Variants in CNOT4 observed in about 807,000 individuals in gnomAD.
CNOT4 encodes the protein CCR4-NOT transcription complex subunit 4.
CNOT4 carries 8 observed loss-of-function variants against 73.8 expected under a neutral mutation model. That is an observed-to-expected ratio of 0.11 (90% confidence interval 0.06 to 0.20). The LOEUF (loss-of-function observed/expected upper bound fraction) is 0.20, where lower values mean the gene tolerates loss of function less well. Ranked by LOEUF, CNOT4 falls within the 10% of genes least tolerant of loss-of-function variation. CNOT4 has a pLI of 1.00. For synonymous variants in CNOT4, 293 were observed against 321.1 expected, an observed-to-expected ratio of 0.91 and a Z score of 0.94; for missense variants, 564 against 883.4, an observed-to-expected ratio of 0.64 and a Z score of 4.58.
At chr7:135,490,443 G>T (rs970705606) in intron 1 of CNOT4, among the ~76,000 whole-genome samples, 2 of 152,184 alleles carry the variant, frequency 1.3e-5, no homozygotes, top group African/African-American at 4.8e-5. Flanking sequence ...AGGTAATAAT[G>T]AAGTAACAAC....
chr7:135,479,310 G>A (rs1269942466), intron 1 of CNOT4, among the ~76,000 whole-genome samples: 2 of 140,108 alleles, frequency 1.4e-5, no homozygotes, highest in East Asian at 4.4e-4. Context: ...CCAGGTTCAA[G>A]CAGTTCTTCA....
intron 1 of CNOT4, among the ~76,000 whole-genome samples, chr7:135,452,083 A>C (rs984449197): frequency 2.6e-5 from 4 of 152,040 alleles, no homozygotes; most frequent in Non-Finnish European, 4.4e-5. Context: ...CCCTATCAGT[A>C]CAAAAAATAG....
chr7:135,490,619 C>T (rs1316492054), intron 1 of CNOT4, among the ~76,000 whole-genome samples: 1 of 152,178 alleles, frequency 6.6e-6, no homozygotes, highest in Admixed American at 6.5e-5. Flanking sequence ...AGGCTATGAA[C>T]CATCTCTGAC....
At chr7:135,468,304 ATAGT>A (rs1452395010) in intron 1 of CNOT4, among the ~76,000 whole-genome samples, 1 of 152,164 alleles carries the variant, frequency 6.6e-6, no homozygotes, top group Non-Finnish European at 1.5e-5. Context: ...CATATTTTGA[ATAGT>A]TAATTTGTAG....
intron 1 of CNOT4, among the ~76,000 whole-genome samples, chr7:135,448,477 G>A (rs1401263322): frequency 6.8e-6 from 1 of 146,506 alleles, no homozygotes; most frequent in African/African-American, 2.5e-5. Context: ...CCAGGAGACA[G>A]AGGTTGCGGT....
Position 135,410,641 on chromosome 7 carries a change from T to C in CNOT4, c.695A>G (p.Lys232Arg), listed in dbSNP as rs2129484052. 2 of 1,583,408 alleles carry C rather than the reference T, an allele frequency of 1.3e-6. No individual in the cohort carries two copies. The highest frequency in any genetic ancestry group is 2.3e-5 in the East Asian group (1 of 42,800). ...TAGCTTCTGTTCATATTCTTGGTGT[T>C]TACCCGCCTAACGAAAGAAGAAATT... is the stretch of plus-strand genomic sequence containing the variant. ...SFTKEEMQAG[K>R]HQEYEQKLLQ... Residue 232 changes from lysine to arginine, a missense_variant, in exon 7 of 12, where the codon AAA (lysine) becomes AGA (arginine). By Grantham distance (26) the Lys-to-Arg change is conservative (BLOSUM62 2). This residue lies in a region of CNOT4 where 14 missense variants were observed against 69.5 expected (regional missense o/e 0.20). Transcript: ENST00000541284.
intron 6 of CNOT4, among the ~76,000 whole-genome samples, chr7:135,411,957 C>T (rs1200395355): frequency 2.6e-5 from 4 of 151,878 alleles, no homozygotes; most frequent in Non-Finnish European, 4.4e-5. Context: ...AAATTTCTTT[C>T]CTACATCAAG....
rs1219600160 is a variant in CNOT4 at position 135,363,323 on chromosome 7, T to G, written c.1841-137A>C. 1.3e-6 allele frequency: 1 copy of G among 753,268 alleles called. No homozygotes were observed. The highest frequency in any genetic ancestry group is 2.1e-6 in the Non-Finnish European group (1 of 465,610). 46.7% of individuals were successfully genotyped at this position (753,268 alleles called of 1,614,324 possible). A position where few individuals can be genotyped will look rare whatever the true frequency, so the allele number is the denominator to read the frequency against. ...TTTTAAACTCCTTCCAAATAAGACC[T>G]TTTAAACCAATCCTCCCCCAACAAC... On this transcript the variant is annotated intron_variant, in intron 11 of 11. Transcript: ENST00000541284. This position sits in a 1 kb window ranked among gnomAD's most constrained non-coding sequence, Gnocchi z 4.3.
intron 6 of CNOT4, among the ~76,000 whole-genome samples, chr7:135,411,803 T>C (rs943254293): frequency 1.3e-5 from 2 of 151,940 alleles, no homozygotes; most frequent in Non-Finnish European, 2.9e-5. Context: ...AATTGTGTCA[T>C]ATATACTGCA....
At position 135,389,378 on chromosome 7, in the gene CNOT4, T is replaced by A. The variant is rs187846653; in HGVS notation, c.1627+4540A>T. Among the ~76,000 whole-genome samples, 3 of 148,956 alleles carry A rather than the reference T, an allele frequency of 2.0e-5. No individual in the cohort carries two copies. In the East Asian group the frequency reaches 5.8e-4, roughly 29 times the overall value. On this transcript the variant is annotated intron_variant, in intron 10 of 11. Coordinates refer to ENST00000541284, the MANE Select transcript of CNOT4 (RefSeq NM_001190850.2). ...AGAAAAAAATGAAAGCTATAAATAT[T>A]AACTAGTAAATTAACATACAGCATC...
chr7:135,506,304 G>GTTTC (rs1400800340), intron 1 of CNOT4, among the ~76,000 whole-genome samples: 51 of 152,132 alleles, frequency 3.4e-4, no homozygotes, highest in African/African-American at 1.2e-3. Context: ...TAGTTATACT[G>GTTTC]TTTCTAGAAC....
intron 7 of CNOT4, 146 bp downstream of exon 7, chr7:135,410,369 G>A: frequency 2.0e-6 from 1 of 496,060 alleles, no homozygotes; most frequent in South Asian, 4.7e-5. Flanking sequence ...CAGAAATTGT[G>A]ACTCAACATT....
chr7:135,411,005 G>A (rs1797561520), intron 6 of CNOT4, among the ~76,000 whole-genome samples: 1 of 151,832 alleles, frequency 6.6e-6, no homozygotes, highest in Non-Finnish European at 1.5e-5. Context: ...CTACTTCCAA[G>A]TCTTTCATGT....
At chr7:135,394,906 T>C (rs1796594986) in intron 9 of CNOT4, among the ~76,000 whole-genome samples, 1 of 152,184 alleles carries the variant, frequency 6.6e-6, no homozygotes, top group Non-Finnish European at 1.5e-5. Context: ...GGTGCTGTTG[T>C]CAATGTTACT....
intron 1 of CNOT4, among the ~76,000 whole-genome samples, chr7:135,496,725 C>T (rs1236181233): frequency 2.6e-5 from 4 of 151,962 alleles, no homozygotes; most frequent in Non-Finnish European, 5.9e-5. Flanking sequence ...TTTACCTCTC[C>T]TACTGTTCTT....
chr7:135,375,358 C>T (rs2129482699), intron 10 of CNOT4, among the ~76,000 whole-genome samples: 1 of 152,176 alleles, frequency 6.6e-6, no homozygotes, highest in Non-Finnish European at 1.5e-5. Flanking sequence ...ACAAAATGCA[C>T]CTAAGAAGTT....
At chr7:135,471,129 G>A (rs1219248639) in intron 1 of CNOT4, among the ~76,000 whole-genome samples, 2 of 152,168 alleles carry the variant, frequency 1.3e-5, no homozygotes, top group Non-Finnish European at 2.9e-5. Context: ...ACAGTGGGTT[G>A]AGGGAGAAAA....
intron 10 of CNOT4, among the ~76,000 whole-genome samples, chr7:135,383,179 A>G (rs930884430): frequency 2.6e-5 from 4 of 152,214 alleles, no homozygotes; most frequent in Non-Finnish European, 4.4e-5. Flanking sequence ...TAATCCAACT[A>G]TGTAAGAGCA....
chr7:135,388,407 G>A, intron 10 of CNOT4: 1 of 983,404 alleles, frequency 1.0e-6, no homozygotes. Context: ...AATTTTTCAG[G>A]AGATTAGGAT....
Sources: gnomAD v4.1 joint callset for allele counts (sites outside exome capture counted in the v4.1 genomes callset) on GRCh38, gnomAD v4.1.1 for gene constraint, gnomAD v4.1.1 regional missense constraint, Gnocchi (gnomAD v3.1) non-coding constraint, MANE v1.5 for transcripts, NCBI Gene and HGNC (gene_info 2026-07-23, HGNC 2026-07-21) for gene names.